The following RASAL2 variants were observed in gnomAD, a reference collection of about 807,000 sequenced individuals.
RASAL2 encodes ras GTPase-activating protein nGAP.
A neutral mutation model predicts 128.9 loss-of-function variants in RASAL2; 58 were observed. The ratio of observed to expected loss-of-function variants is 0.45; its 90% CI spans 0.36 to 0.56. The LOEUF (loss-of-function observed/expected upper bound fraction) is 0.56, where lower values mean the gene tolerates loss of function less well. RASAL2 is among the 20% of genes least tolerant of loss of function. The pLI is 0.00. For synonymous variants in RASAL2, 561 were observed against 580.8 expected, an observed-to-expected ratio of 0.97 and a Z score of 0.49; for missense variants, 1,360 against 1,601.6, an observed-to-expected ratio of 0.85 and a Z score of 2.57.
In RASAL2 at chr1:178,442,973, A is replaced by T. The variant is rs763984218; in HGVS notation, c.1226A>T (p.Gln409Leu). The T allele has an allele frequency of 6.2e-7, 1 of 1,614,070 alleles. No homozygotes were observed. Among genetic ancestry groups the T allele is most frequent in the South Asian group, 1.1e-5 (1 of 91,084 alleles). ...CCCACTGCCAGTGTGACTGGTCGCC[A>T]ATTTGTAGAAAAGTGGTATCCAGTG... ...NIPTASVTGRQFVEKWYPVST... is the reference protein window; with the variant it reads ...NIPTASVTGRLFVEKWYPVST... Residue 409 changes from glutamine to leucine, a missense_variant, in exon 8 of 18, where the codon CAA becomes CTA. Physicochemically the swap from Gln to Leu is moderately radical, Grantham distance 113 (BLOSUM62 -2). Around this residue, in one of 3 missense-constraint regions of RASAL2, gnomAD observed 617 missense variants for 714.2 expected, o/e 0.86. Coordinates refer to ENST00000367649, the MANE Select transcript of RASAL2 (RefSeq NM_170692.4).
chr1:178,200,962 C>T (rs10913517), intron 1 of RASAL2, among the ~76,000 whole-genome samples: 5,342 of 152,216 alleles, frequency 0.035, 282 homozygotes, highest in African/African-American at 0.12. Flanking sequence ...TGGCAAGACA[C>T]CCAGGACCCA....
intron 1 of RASAL2, among the ~76,000 whole-genome samples, chr1:178,111,529 A>G (rs1325393749): frequency 1.3e-5 from 2 of 151,794 alleles, no homozygotes; most frequent in African/African-American, 2.4e-5. Context: ...CGTAGGTTCC[A>G]TTTCCATGTT....
chr1:178,311,246 A>C, intron 3 of RASAL2, among the ~76,000 whole-genome samples: 1 of 98,102 alleles, frequency 1.0e-5, no homozygotes, highest in East Asian at 3.4e-4. Flanking sequence ...AGCCATACAC[A>C]CACACAAACA....
intron 2 of RASAL2, among the ~76,000 whole-genome samples, chr1:178,289,986 C>T (rs1372764486): frequency 1.3e-5 from 2 of 152,106 alleles, no homozygotes; most frequent in Non-Finnish European, 2.9e-5. Context: ...TAAGGCCAAC[C>T]CTGACCTATT....
At chr1:178,459,602 C>G (rs1051214487) in intron 14 of RASAL2, among the ~76,000 whole-genome samples, 3 of 152,128 alleles carry the variant, frequency 2.0e-5, no homozygotes, top group South Asian at 2.1e-4. Flanking sequence ...ATATGGCTGC[C>G]TCTGCCTCCA....
intron 1 of RASAL2, among the ~76,000 whole-genome samples, chr1:178,136,900 TAGA>T (rs1174898320): frequency 2.0e-5 from 3 of 152,060 alleles, no homozygotes; most frequent in African/African-American, 7.2e-5. Flanking sequence ...TTCAGAGCTT[TAGA>T]AGAAGAAAAG....
At chr1:178,338,453 T>C (rs1369097128) in intron 3 of RASAL2, among the ~76,000 whole-genome samples, 1 of 152,170 alleles carries the variant, frequency 6.6e-6, no homozygotes, top group African/African-American at 2.4e-5. Flanking sequence ...TCTTAATGGC[T>C]AGCATATTGA....
At chr1:178,174,124 C>A (rs1052077568) in intron 1 of RASAL2, among the ~76,000 whole-genome samples, 1 of 151,808 alleles carries the variant, frequency 6.6e-6, no homozygotes, top group Non-Finnish European at 1.5e-5. Flanking sequence ...AATTTTGTCC[C>A]CTAATAATTT....
At chr1:178,235,270 G>A (rs1421973300) in intron 1 of RASAL2, among the ~76,000 whole-genome samples, 2 of 152,118 alleles carry the variant, frequency 1.3e-5, no homozygotes, top group Admixed American at 6.5e-5. Context: ...GATAAAAGAA[G>A]CAATACTTTA....
chr1:178,371,454 C>G (rs1423183941), intron 3 of RASAL2, among the ~76,000 whole-genome samples: 3 of 151,842 alleles, frequency 2.0e-5, no homozygotes, highest in Non-Finnish European at 4.4e-5. Context: ...ACCACCAGCT[C>G]GAATTCTTAT....
At chr1:178,098,988 T>C (rs1167981533) in intron 1 of RASAL2, among the ~76,000 whole-genome samples, 1 of 152,224 alleles carries the variant, frequency 6.6e-6, no homozygotes, top group Non-Finnish European at 1.5e-5. Flanking sequence ...TATGAGCTGA[T>C]GAGACAGAAG....
intron 4 of RASAL2, among the ~76,000 whole-genome samples, chr1:178,414,643 C>T (rs917826670): frequency 1.3e-5 from 2 of 152,126 alleles, no homozygotes; most frequent in African/African-American, 4.8e-5. Flanking sequence ...GTCTCTGCTT[C>T]TATCTTCTAT....
chr1:178,377,217 T>C (rs550229264), intron 3 of RASAL2, among the ~76,000 whole-genome samples: 1 of 152,226 alleles, frequency 6.6e-6, no homozygotes, highest in South Asian at 2.1e-4. Flanking sequence ...GCAACTATTA[T>C]CTGATTCCCA....
At chr1:178,381,347 G>A (rs147765552) in intron 3 of RASAL2, among the ~76,000 whole-genome samples, 8 of 152,264 alleles carry the variant, frequency 5.3e-5, no homozygotes, top group African/African-American at 1.4e-4. Context: ...CCTAGATTAG[G>A]ATGGTGGATG....
At chr1:178,365,176 T>TA (rs1160621011) in intron 3 of RASAL2, among the ~76,000 whole-genome samples, 12 of 152,182 alleles carry the variant, frequency 7.9e-5, no homozygotes, top group Non-Finnish European at 1.5e-5. Context: ...ACATCCTTGT[T>TA]ACATTGTGGC....
chr1:178,404,546 A>G lies in RASAL2; in HGVS notation c.564+14340A>G, dbSNP rs139567884. Among the ~76,000 whole-genome samples the G allele has an allele frequency of 3.4e-3, 516 of 151,874 alleles. 4 individuals are homozygous for G. Among genetic ancestry groups the G allele is most frequent in the African/African-American group, 0.012 (500 of 41,396 alleles). ...CAAGCCCGTACCACCACGCCCAGAT[A>G]ATTTTTGTATTTTTAGTAGAGACAG... On this transcript the variant is annotated intron_variant, in intron 4 of 17. Transcript: ENST00000367649.
intron 1 of RASAL2, among the ~76,000 whole-genome samples, chr1:178,196,423 A>T (rs1662662881): frequency 6.6e-6 from 1 of 152,178 alleles, no homozygotes; most frequent in Non-Finnish European, 1.5e-5. Context: ...AAATAAATGT[A>T]ATCAGCCTTC....
At chr1:178,442,625 T>G (rs1223387203) in intron 7 of RASAL2, 50 bp from the exon 8 acceptor site, 5 of 1,505,554 alleles carry the variant, frequency 3.3e-6, no homozygotes, top group Non-Finnish European at 3.6e-6. Flanking sequence ...AAAAATGTTT[T>G]TTTTTCTGCA....
At chr1:178,470,132 A>G (rs1297706400) in intron 17 of RASAL2, among the ~76,000 whole-genome samples, 12 of 152,218 alleles carry the variant, frequency 7.9e-5, no homozygotes, top group Admixed American at 7.9e-4. Flanking sequence ...GTAAGGATAA[A>G]TCTTCTCTCT....
Sources: gnomAD v4.1 joint callset for allele counts (sites outside exome capture counted in the v4.1 genomes callset) on GRCh38, gnomAD v4.1.1 for gene constraint, gnomAD v4.1.1 regional missense constraint, MANE v1.5 for transcripts, NCBI Gene and HGNC (gene_info 2026-07-23, HGNC 2026-07-21) for gene names.